Variants in TTLL7 observed in about 807,000 individuals in gnomAD.
The protein encoded by TTLL7 is tubulin tyrosine ligase like 7.
In TTLL7, 53 loss-of-function variants were observed where a neutral mutation model predicts 120.2. That is an observed-to-expected ratio of 0.44 (90% CI 0.35 to 0.55). TTLL7 has a LOEUF of 0.55. TTLL7 is among the 20% of genes least tolerant of loss of function. TTLL7 has a pLI of 0.00. For synonymous variants in TTLL7, 353 were observed against 351.7 expected, an observed-to-expected ratio of 1.00 and a Z score of -0.04; for missense variants, 803 against 1,054.7, an observed-to-expected ratio of 0.76 and a Z score of 3.31.
intron 18 of TTLL7, 40 bp from the exon 19 acceptor site, chr1:83,890,521 T>TC: frequency 6.6e-7 from 1 of 1,522,546 alleles, no homozygotes; most frequent in Non-Finnish European, 8.9e-7. Context: ...TAGGAATGTA[T>TC]ATCTGTGTCT....
chr1:83,955,799 G>A (rs1649457358), intron 1 of TTLL7, among the ~76,000 whole-genome samples: 1 of 152,114 alleles, frequency 6.6e-6, no homozygotes, highest in South Asian at 2.1e-4. Flanking sequence ...AGGATCACTT[G>A]AGACCAGGAG....
intron 19 of TTLL7, among the ~76,000 whole-genome samples, chr1:83,888,930 T>C (rs1194475773): frequency 6.6e-6 from 1 of 151,978 alleles, no homozygotes; most frequent in East Asian, 1.9e-4. Flanking sequence ...AGAAATCTAT[T>C]CATTTCACTT....
At position 83,921,403 on chromosome 1, in the gene TTLL7, T is replaced by C; in HGVS notation, c.1143-9A>G. 6.2e-7 allele frequency: 1 copy of C among 1,610,058 alleles called. No individual in the cohort carries two copies. The highest frequency in any genetic ancestry group is 1.3e-5 in the African/African-American group (1 of 74,676). On this transcript the variant is annotated splice_polypyrimidine_tract_variant and intron_variant, in intron 10 of 20. Coordinates refer to ENST00000260505, the MANE Select transcript of TTLL7 (RefSeq NM_024686.6). ...TTCTTTTGTCACTGGTCCTAAAATA[T>C]AAAACATAAGACCATATTCTAGAAC...
Position 83,906,458 on chromosome 1 carries a change from C to T in TTLL7, c.1998G>A (p.Glu666=). The T allele has an allele frequency of 6.2e-7, 1 of 1,611,766 alleles. No individual in the cohort carries two copies. Among genetic ancestry groups the T allele is most frequent in the Non-Finnish European group, 8.5e-7 (1 of 1,178,688 alleles). Residue 666 remains glutamate (E), a synonymous_variant, in exon 17 of 21, where the codon GAG becomes GAA. Coordinates refer to ENST00000260505, the MANE Select transcript of TTLL7 (RefSeq NM_024686.6). ...DACSTNSQVS[E]SLRQLKTKEQ... ...CTTTTGTTTTCAGTTGCCGCAAAGA[C>T]TCACTCTTAAATTTGAAAGAATACA...
At chr1:83,884,044 ATG>A (rs1237919996) in intron 19 of TTLL7, among the ~76,000 whole-genome samples, 2 of 150,978 alleles carry the variant, frequency 1.3e-5, no homozygotes, top group Admixed American at 6.6e-5. Context: ...GTGTGTGTGT[ATG>A]TGTGTGTGTG....
chr1:83,951,717 T>C (rs1011711663), intron 3 of TTLL7, 128 bp downstream of exon 3: 2 of 1,013,516 alleles, frequency 2.0e-6, no homozygotes, highest in Non-Finnish European at 2.8e-6. Context: ...AGAAATTTTA[T>C]AGAAGGCATT....
At chr1:83,997,896 T>A (rs577280455) in intron 1 of TTLL7, among the ~76,000 whole-genome samples, 1 of 152,352 alleles carries the variant, frequency 6.6e-6, no homozygotes, top group South Asian at 2.1e-4. Context: ...TCCTATGTAG[T>A]GTTGTTCACA....
intron 19 of TTLL7, among the ~76,000 whole-genome samples, chr1:83,885,747 T>C (rs567672371): frequency 6.6e-6 from 1 of 152,194 alleles, no homozygotes; most frequent in Admixed American, 6.6e-5. Context: ...TACTCCTACC[T>C]GCCACCTGGC....
At chr1:83,986,601 T>C (rs1396249610) in intron 1 of TTLL7, among the ~76,000 whole-genome samples, 2 of 152,128 alleles carry the variant, frequency 1.3e-5, no homozygotes, top group African/African-American at 2.4e-5. Flanking sequence ...TCCCAGCTCT[T>C]TGGGAGGCCG....
At chr1:83,907,745 T>C (rs929860845) in intron 15 of TTLL7, 84 bp from the exon 16 acceptor site, 27 of 1,223,314 alleles carry the variant, frequency 2.2e-5, no homozygotes, top group Non-Finnish European at 3.0e-5. Context: ...AAACTAAAGA[T>C]TATAGCAGCT....
intron 1 of TTLL7, among the ~76,000 whole-genome samples, chr1:83,957,993 T>C (rs1178020654): frequency 1.3e-5 from 2 of 152,220 alleles, no homozygotes; most frequent in Non-Finnish European, 2.9e-5. Flanking sequence ...AGTCTGCCCC[T>C]GGCTTCACAG....
At position 83,897,827 on chromosome 1, in the gene TTLL7, G is replaced by A. The variant is rs77601574; in HGVS notation, c.2208+6252C>T. 2.0e-3 allele frequency among the ~76,000 whole-genome samples: 281 copies of A among 144,082 alleles called. 1 individual carries two copies. Among genetic ancestry groups the A allele is most frequent in the African/African-American group, 5.2e-3 (204 of 38,886 alleles). 94.5% of individuals were successfully genotyped at this position (144,082 alleles called of 152,430 possible). A position where few individuals can be genotyped will look rare whatever the true frequency, so the allele number is the denominator to read the frequency against. On this transcript the variant is annotated intron_variant, in intron 18 of 20. Coordinates refer to ENST00000260505, the MANE Select transcript of TTLL7 (RefSeq NM_024686.6). ...CCTAAGGCTCTTCCTGCCTACTTGC[G>A]CTCTCTCTCCCCATTATCTTCCTTG...
chr1:83,889,164 T>C (rs1655229770), intron 19 of TTLL7, among the ~76,000 whole-genome samples: 1 of 152,178 alleles, frequency 6.6e-6, no homozygotes, highest in South Asian at 2.1e-4. Flanking sequence ...AAACATGTCC[T>C]TCTTCACATG....
At chr1:83,950,977 G>C (rs1390314583) in intron 3 of TTLL7, among the ~76,000 whole-genome samples, 1 of 152,140 alleles carries the variant, frequency 6.6e-6, no homozygotes, top group African/African-American at 2.4e-5. Flanking sequence ...CTGAGTATAT[G>C]AGAGACACTG....
At chr1:83,949,755 G>C in intron 4 of TTLL7, 110 bp downstream of exon 4, 2 of 1,226,808 alleles carry the variant, frequency 1.6e-6, no homozygotes, top group South Asian at 2.7e-5. Flanking sequence ...ATTCAGGTGA[G>C]TAAGAGCTGA....
intron 20 of TTLL7, among the ~76,000 whole-genome samples, chr1:83,879,285 G>C (rs1654231361): frequency 6.6e-6 from 1 of 151,912 alleles, no homozygotes; most frequent in Non-Finnish European, 1.5e-5. Context: ...AGATATTAGG[G>C]AGAAATGTTT....
At chr1:83,964,739 T>C (rs539731901) in intron 1 of TTLL7, among the ~76,000 whole-genome samples, 1 of 152,264 alleles carries the variant, frequency 6.6e-6, no homozygotes, top group Non-Finnish European at 1.5e-5. Context: ...ATACTGACAC[T>C]GATCATATCA....
intron 1 of TTLL7, among the ~76,000 whole-genome samples, chr1:83,958,532 T>C (rs940607016): frequency 6.6e-6 from 1 of 152,194 alleles, no homozygotes; most frequent in Non-Finnish European, 1.5e-5. Context: ...AATAAGGCAG[T>C]TGTATATGCA....
intron 10 of TTLL7, among the ~76,000 whole-genome samples, chr1:83,925,104 C>G (rs1168359385): frequency 6.6e-6 from 1 of 152,156 alleles, no homozygotes; most frequent in Non-Finnish European, 1.5e-5. Flanking sequence ...TCAAAACATA[C>G]AGTCCAACTG....
Sources: allele counts gnomAD v4.1 joint callset (sites outside exome capture counted in the v4.1 genomes callset), GRCh38; gene constraint gnomAD v4.1.1; transcripts MANE v1.5; gene names NCBI Gene and HGNC (gene_info 2026-07-23, HGNC 2026-07-21).